The following FAT3 variants were observed in gnomAD, a reference collection of about 807,000 sequenced individuals.
FAT3 encodes FAT atypical cadherin 3.
Under a neutral mutation model 310.2 loss-of-function variants are expected in FAT3, and 95 were observed. The observed-to-expected ratio is 0.31, with a 90% CI of 0.26 to 0.36. FAT3 has a LOEUF of 0.36. Among genes scored for constraint, FAT3 ranks in the 10% least tolerant of loss-of-function variants. The probability of loss-of-function intolerance (pLI) is 1.00; values close to 1 mark genes in which losing one functional copy is unlikely to be tolerated. For missense variants in FAT3, 5,408 were observed against 5,715.6 expected, an observed-to-expected ratio of 0.95 and a Z score of 1.74; for synonymous variants, 2,314 against 2,192.9, an observed-to-expected ratio of 1.06 and a Z score of -1.54.
chr11:92,753,902 G>T (rs1176235059), intron 4 of FAT3, among the ~76,000 whole-genome samples: 1 of 151,528 alleles, frequency 6.6e-6, no homozygotes, highest in Non-Finnish European at 1.5e-5. Flanking sequence ...ACTCAGGAAT[G>T]GAAAACCAAA....
chr11:92,415,695 G>A (rs1166358550), intron 2 of FAT3, among the ~76,000 whole-genome samples: 1 of 152,062 alleles, frequency 6.6e-6, no homozygotes, highest in East Asian at 1.9e-4. Flanking sequence ...TGACACCTAG[G>A]ACTAATTTTG....
chr11:92,306,630 T>TTATATTATA lies in FAT3; in HGVS notation c.-17-45442_-17-45434dup, dbSNP rs556726939. 2.7e-3 allele frequency among the ~76,000 whole-genome samples: 334 copies of TTATATTATA among 124,690 alleles called. 1 individual carries two copies. Among genetic ancestry groups the TTATATTATA allele is most frequent in the Non-Finnish European group, 4.0e-3 (251 of 62,368 alleles). 81.8% of individuals were successfully genotyped at this position (124,690 alleles called of 152,430 possible). A position where few individuals can be genotyped will look rare whatever the true frequency, so the allele number is the denominator to read the frequency against. On this transcript the variant is annotated intron_variant, in intron 1 of 27. Coordinates refer to ENST00000525166, the MANE Select transcript of FAT3 (RefSeq NM_001367949.2). ...TTTATATTATATATTTATATTATAT[T>TTATATTATA]TATATTATATATATTATATATATTA...
rs186395886 is a variant in FAT3, at chr11:92,478,420, C to T, written c.3293-46214C>T. ...GTCCATCTCTTTCTTCCAGTTTTAC[C>T]ATCACTGCCCTTCAGCTCATTTGGC... On this transcript the variant is annotated intron_variant, in intron 2 of 27. Coordinates refer to ENST00000525166, the MANE Select transcript of FAT3 (RefSeq NM_001367949.2). 4.5e-4 allele frequency among the ~76,000 whole-genome samples: 69 copies of T among 152,198 alleles called. 2 individuals carry two copies. Among genetic ancestry groups the T allele is most frequent in the Non-Finnish European group, 6.5e-4 (44 of 68,006 alleles).
At position 92,801,903 on chromosome 11, in the gene FAT3, A is replaced by G. The variant is rs764127660; in HGVS notation, c.8890A>G (p.Ile2964Val). ...SDVNRQVSYH[I>V]TGGNPRGRFA... ...CGTTAATCGCCAAGTGAGCTACCAT[A>G]TTACAGGTGAGTAAATACCCCCAGT... The change falls in exon 10 of 28, where the codon ATT becomes GTT. Residue 2964 changes from isoleucine to valine, a missense_variant. Ile to Val is a conservative substitution (Grantham distance 29). Around this residue, in one of 5 missense-constraint regions of FAT3, gnomAD observed 4,588 missense variants for 4,809.8 expected, o/e 0.95. Coordinates refer to ENST00000525166, the MANE Select transcript of FAT3 (RefSeq NM_001367949.2). 6.8e-6 allele frequency: 11 copies of G among 1,612,358 alleles called. No homozygotes were observed. Among genetic ancestry groups the G allele is most frequent in the African/African-American group, 1.3e-5 (1 of 74,894 alleles).
At chr11:92,331,067 T>C (rs1947912499) in intron 1 of FAT3, among the ~76,000 whole-genome samples, 1 of 151,918 alleles carries the variant, frequency 6.6e-6, no homozygotes, top group Admixed American at 6.6e-5. Context: ...TACACAGTTG[T>C]TTAAATGTTA....
At chr11:92,663,720 C>T (rs1413237069) in intron 3 of FAT3, among the ~76,000 whole-genome samples, 1 of 152,154 alleles carries the variant, frequency 6.6e-6, no homozygotes, top group Non-Finnish European at 1.5e-5. Context: ...TCCAAATTCC[C>T]TCTTCATGAA....
chr11:92,285,537 C>A (rs978768694), intron 1 of FAT3, among the ~76,000 whole-genome samples: 8 of 152,216 alleles, frequency 5.3e-5, no homozygotes, highest in African/African-American at 1.9e-4. Context: ...TCTTACAACA[C>A]TATTGTAGCT....
At chr11:92,467,186 C>G (rs913851586) in intron 2 of FAT3, among the ~76,000 whole-genome samples, 26 of 152,250 alleles carry the variant, frequency 1.7e-4, no homozygotes, top group African/African-American at 5.3e-4. Flanking sequence ...AACTAGTTTA[C>G]AGTCCCACCA....
intron 3 of FAT3, chr11:92,559,366 A>C (rs529459): frequency 0.38 from 70,338 of 186,704 alleles, 14,701 homozygotes; most frequent in Middle Eastern, 0.47. Context: ...ATGCTGGGTG[A>C]TTGTTTACTT....
chr11:92,664,293 A>AT (rs1372331027), intron 3 of FAT3, among the ~76,000 whole-genome samples: 2 of 152,154 alleles, frequency 1.3e-5, no homozygotes, highest in Non-Finnish European at 2.9e-5. Context: ...GTAATGAGCT[A>AT]TTTTACCATT....
chr11:92,708,048 T>C (rs1944410562), intron 4 of FAT3, among the ~76,000 whole-genome samples: 1 of 152,230 alleles, frequency 6.6e-6, no homozygotes, highest in Non-Finnish European at 1.5e-5. Context: ...GCTACCAACC[T>C]CATCTATTTT....
intron 20 of FAT3, among the ~76,000 whole-genome samples, chr11:92,858,610 G>A (rs984420213): frequency 2.0e-5 from 3 of 152,112 alleles, no homozygotes; most frequent in African/African-American, 7.2e-5. Flanking sequence ...GGGGAGCCTC[G>A]AAATTAATGG....
intron 4 of FAT3, among the ~76,000 whole-genome samples, chr11:92,708,621 T>C (rs923617400): frequency 1.3e-5 from 2 of 152,244 alleles, no homozygotes; most frequent in African/African-American, 4.8e-5. Flanking sequence ...AGTCATCTTG[T>C]GACAAAATTC....
chr11:92,868,743 A>T (rs10765567), intron 22 of FAT3, among the ~76,000 whole-genome samples: 46,215 of 152,064 alleles, frequency 0.3, 7,859 homozygotes, highest in South Asian at 0.47. Context: ...TAATCACTGT[A>T]TGAGGGAAAG....
At chr11:92,517,916 A>G (rs998454137) in intron 2 of FAT3, among the ~76,000 whole-genome samples, 5 of 152,228 alleles carry the variant, frequency 3.3e-5, no homozygotes, top group African/African-American at 9.6e-5. Flanking sequence ...TAAAACCACA[A>G]TGAGATACAG....
intron 3 of FAT3, among the ~76,000 whole-genome samples, chr11:92,586,497 G>A (rs1457175612): frequency 6.6e-6 from 1 of 152,008 alleles, no homozygotes; most frequent in African/African-American, 2.4e-5. Flanking sequence ...GTGTCTCTGA[G>A]TGAAGGATAT....
chr11:92,872,274 C>T (rs1949409357), intron 22 of FAT3, among the ~76,000 whole-genome samples: 2 of 152,202 alleles, frequency 1.3e-5, no homozygotes, highest in South Asian at 4.1e-4. Flanking sequence ...TGGTGCTGAG[C>T]TCTGTGTTGA....
At chr11:92,556,312 A>G (rs1250053479) in intron 3 of FAT3, among the ~76,000 whole-genome samples, 2 of 152,140 alleles carry the variant, frequency 1.3e-5, no homozygotes, top group Non-Finnish European at 2.9e-5. Context: ...CCCACCAGTC[A>G]CGTGCCCTGT....
At chr11:92,366,508 C>T in intron 2 of FAT3, 1 of 473,690 alleles carries the variant, frequency 2.1e-6, no homozygotes, top group Middle Eastern at 8.0e-4. Context: ...ACTTCTTGGC[C>T]TTACCCTCGG....
Sources: allele counts gnomAD v4.1 joint callset (sites outside exome capture counted in the v4.1 genomes callset), GRCh38; gene constraint gnomAD v4.1.1; regional missense constraint gnomAD v4.1.1; transcripts MANE v1.5; gene names NCBI Gene and HGNC (gene_info 2026-07-23, HGNC 2026-07-21).